The following TOP2B variants were observed in gnomAD, a reference collection of about 807,000 sequenced individuals.
TOP2B encodes the protein DNA topoisomerase II beta.
Under a neutral mutation model 193.5 loss-of-function variants are expected in TOP2B, and 51 were observed. The ratio of observed to expected loss-of-function variants is 0.26; its 90% CI spans 0.21 to 0.33. The LOEUF (loss-of-function observed/expected upper bound fraction) is 0.33, where lower values mean the gene tolerates loss of function less well. Ranked by LOEUF, TOP2B falls within the 10% of genes least tolerant of loss-of-function variation. The pLI is 1.00. For missense variants in TOP2B, 1,378 were observed against 1,909.3 expected, an observed-to-expected ratio of 0.72 and a Z score of 5.19; for synonymous variants, 634 against 635.7, an observed-to-expected ratio of 1.00 and a Z score of 0.04.
At chr3:25,660,614 C>G (rs918502142) in intron 1 of TOP2B, among the ~76,000 whole-genome samples, 6 of 152,034 alleles carry the variant, frequency 3.9e-5, no homozygotes, top group African/African-American at 1.4e-4. Flanking sequence ...GTGTAGGGGA[C>G]AGTGAAGAGA....
At chr3:25,638,134 T>C (rs755477171) in intron 5 of TOP2B, 31 bp downstream of exon 5, 52 of 1,538,406 alleles carry the variant, frequency 3.4e-5, no homozygotes, top group Non-Finnish European at 4.5e-5. Context: ...GAAAACAGTA[T>C]TTTTCAACCA....
chr3:25,638,409 G>C, intron 4 of TOP2B, 99 bp from the exon 5 acceptor site: 7 of 1,269,828 alleles, frequency 5.5e-6, no homozygotes, highest in Non-Finnish European at 7.0e-6. Context: ...AAGTAATCTA[G>C]AATAAACCTT....
chr3:25,663,011 C>A (rs911821487), intron 1 of TOP2B, among the ~76,000 whole-genome samples: 7 of 152,222 alleles, frequency 4.6e-5, no homozygotes, highest in Admixed American at 3.9e-4. Flanking sequence ...CTGACATTTT[C>A]TCTCCTGGCC....
intron 1 of TOP2B, among the ~76,000 whole-genome samples, chr3:25,648,863 A>G (rs929576091): frequency 1.3e-5 from 2 of 152,218 alleles, no homozygotes; most frequent in African/African-American, 4.8e-5. Context: ...GCCTGTCTCA[A>G]AAAAATAATA....
intron 20 of TOP2B, 54 bp from the exon 21 acceptor site, chr3:25,623,800 A>AACTTTATAC: frequency 8.8e-7 from 1 of 1,138,176 alleles, no homozygotes; most frequent in South Asian, 1.5e-5. Context: ...TGGGAAAGAA[A>AACTTTATAC]ACTTTATACA....
intron 6 of TOP2B, among the ~76,000 whole-genome samples, chr3:25,636,469 T>C (rs1233152623): frequency 6.6e-6 from 1 of 152,070 alleles, no homozygotes; most frequent in East Asian, 1.9e-4. Flanking sequence ...AATCTAGAGT[T>C]GATTTAAAGT....
Position 25,601,090 on chromosome 3 carries a change from T to C in TOP2B, c.4615+10A>G, listed in dbSNP as rs772162770. On this transcript the variant is annotated intron_variant, in intron 34 of 35. Transcript: ENST00000264331. ...ATATGTTTAAAGGGTTATAAGAAGA[T>C]AATCCTCACCTTTTGGTGTTGTAGT... 2.5e-6 allele frequency: 4 copies of C among 1,612,504 alleles called. No homozygotes were observed. Among genetic ancestry groups the C allele is most frequent in the East Asian group, 4.5e-5 (2 of 44,860 alleles).
At chr3:25,623,805 T>C (rs896048330) in intron 20 of TOP2B, 59 bp from the exon 21 acceptor site, 1 of 1,095,918 alleles carries the variant, frequency 9.1e-7, no homozygotes, top group East Asian at 2.6e-5. Flanking sequence ...AAGAAAACTT[T>C]ATACATAATT....
chr3:25,599,754 C>A (rs1477004964), intron 34 of TOP2B, among the ~76,000 whole-genome samples: 1 of 152,150 alleles, frequency 6.6e-6, no homozygotes, highest in Non-Finnish European at 1.5e-5. Flanking sequence ...GTGGGAAAGT[C>A]CCAAAGACAA....
chr3:25,603,885 G>C (rs148988871), intron 33 of TOP2B, among the ~76,000 whole-genome samples: 2 of 152,206 alleles, frequency 1.3e-5, no homozygotes, highest in African/African-American at 4.8e-5. Context: ...GAGCAGGGGG[G>C]TGTTAATATT....
At chr3:25,634,664 C>G (rs1703050856) in intron 7 of TOP2B, among the ~76,000 whole-genome samples, 1 of 151,466 alleles carries the variant, frequency 6.6e-6, no homozygotes, top group South Asian at 2.1e-4. Context: ...CCACCAAATT[C>G]TCACAGGGAA....
At chr3:25,638,096 C>T (rs1191308068) in intron 5 of TOP2B, 69 bp downstream of exon 5, 29 of 1,376,466 alleles carry the variant, frequency 2.1e-5, no homozygotes, top group African/African-American at 1.5e-5. Flanking sequence ...TGCACAATTT[C>T]CTTAGTAAGT....
chr3:25,636,065 T>C lies in TOP2B; in HGVS notation c.723A>G (p.Gln241=), dbSNP rs767489603. The change falls in exon 7 of 36, where the codon CAA becomes CAG. Residue 241 remains glutamine, a synonymous_variant. Transcript: ENST00000264331. ...DGEDYTCITF[Q]PDLSKFKMEK... ...CCATCTTAAATTTGGACAGATCTGG[T>C]TGGAATGTTATGCATGTGTAATCTT... The C allele has an allele frequency of 1.2e-6, 2 of 1,613,194 alleles. No individual in the cohort carries two copies. Among genetic ancestry groups the C allele is most frequent in the East Asian group, 2.2e-5 (1 of 44,838 alleles).
rs1400665191 is a variant in TOP2B at position 25,615,097 on chromosome 3, T to G, written c.3591+108A>C. On this transcript the variant is annotated intron_variant, in intron 27 of 35. Transcript: ENST00000264331. ...TTAAGCCTAACTCAACTTATAAACA[T>G]ATTAACCTTCACAGAGTTAAAGAAA... The G allele has an allele frequency of 4.4e-5, 40 of 906,064 alleles. No homozygotes were observed. The East Asian group carries it at 1.1e-3, about 24-fold the overall frequency. 56.1% of individuals were successfully genotyped at this position (906,064 alleles called of 1,614,324 possible).
chr3:25,622,495 T>C (rs1262901523), intron 21 of TOP2B, among the ~76,000 whole-genome samples: 1 of 152,104 alleles, frequency 6.6e-6, no homozygotes, highest in Non-Finnish European at 1.5e-5. Flanking sequence ...TTTTCTACAA[T>C]AAACATTATC....
Position 25,619,928 on chromosome 3 carries a change from T to G in TOP2B, c.2997A>C (p.Ala999=). Residue 999 remains alanine, a synonymous_variant, in exon 23 of 36, where the codon GCA becomes GCC. Coordinates refer to ENST00000264331, the MANE Select transcript of TOP2B (RefSeq NM_001330700.2). ...FVVKMTEEKL[A]QAEAAGLHKV... The stretch of plus-strand genomic sequence containing the variant: ...TATGCAGTCCAGCAGCTTCTGCTTG[T>G]GCTAGTTTCTCTTCAGTCATTTTCA... 3 of 1,613,392 alleles carry G rather than the reference T, an allele frequency of 1.9e-6. No homozygotes were observed. In the East Asian group the frequency reaches 6.7e-5, roughly 36 times the overall value.
At chr3:25,634,211 T>C (rs1703039039) in intron 7 of TOP2B, among the ~76,000 whole-genome samples, 197 bp from the exon 8 acceptor site, 1 of 152,072 alleles carries the variant, frequency 6.6e-6, no homozygotes, top group Non-Finnish European at 1.5e-5. Flanking sequence ...CTATGTGTAC[T>C]TGACAAAAAG....
At chr3:25,623,793 G>A (rs1398322288) in intron 20 of TOP2B, 47 bp from the exon 21 acceptor site, 1 of 1,263,630 alleles carries the variant, frequency 7.9e-7, no homozygotes. Flanking sequence ...ATGGCTTTGG[G>A]AAAGAAAACT....
At chr3:25,649,095 T>C (rs963169651) in intron 1 of TOP2B, among the ~76,000 whole-genome samples, 11 of 152,228 alleles carry the variant, frequency 7.2e-5, no homozygotes, top group East Asian at 1.9e-4. Flanking sequence ...AGTAAATGAA[T>C]TGAAAATACA....
Sources: gnomAD v4.1 joint callset for allele counts (sites outside exome capture counted in the v4.1 genomes callset) on GRCh38, gnomAD v4.1.1 for gene constraint, MANE v1.5 for transcripts, NCBI Gene and HGNC (gene_info 2026-07-23, HGNC 2026-07-21) for gene names.